Variants in GALNT18 observed in about 807,000 individuals in gnomAD.
GALNT18 encodes polypeptide N-acetylgalactosaminyltransferase 18, also known as GalNAc-transferase 18.
A neutral mutation model predicts 69.5 loss-of-function variants in GALNT18; 44 were observed. That is an observed-to-expected ratio of 0.63 (90% confidence interval 0.50 to 0.81). GALNT18 has a LOEUF of 0.81. Among genes scored for constraint, GALNT18 ranks in the 40% least tolerant of loss-of-function variants. The pLI is 0.00. For synonymous variants in GALNT18, 364 were observed against 318.2 expected (o/e 1.14, Z -1.53); for missense variants, 715 against 810.0 (o/e 0.88, Z 1.42).
chr11:11,301,813 C>T (rs979069262), intron 9 of GALNT18, among the ~76,000 whole-genome samples: 3 of 152,130 alleles, frequency 2.0e-5, no homozygotes, highest in African/African-American at 4.8e-5. Flanking sequence ...AGAGCGGGAG[C>T]CCCTCCCTCA....
At position 11,494,964 on chromosome 11, in the gene GALNT18, T is replaced by C. The variant is rs1235055107; in HGVS notation, c.236-46028A>G. Among the ~76,000 whole-genome samples the C allele has an allele frequency of 1.3e-5, 2 of 151,720 alleles. No homozygotes were observed. Among genetic ancestry groups the C allele is most frequent in the Non-Finnish European group, 2.9e-5 (2 of 68,002 alleles). On this transcript the variant is annotated intron_variant, in intron 1 of 10. Transcript: ENST00000227756. This position sits in a 1 kb window ranked among gnomAD's most constrained non-coding sequence, Gnocchi z 5.7. The stretch of plus-strand genomic sequence containing the variant: ...ATGCTCTGTGATTTGAGCATATAAA[T>C]GTAGAAGCCCAGCATGAATCTTCAA...
chr11:11,531,816 G>A (rs1214973619), intron 1 of GALNT18, among the ~76,000 whole-genome samples: 2 of 152,146 alleles, frequency 1.3e-5, no homozygotes, highest in Non-Finnish European at 2.9e-5. Flanking sequence ...ACTCTGCCTC[G>A]ATCTCTTCAT....
At chr11:11,405,272 T>A (rs1185717090) in intron 3 of GALNT18, among the ~76,000 whole-genome samples, 1 of 152,196 alleles carries the variant, frequency 6.6e-6, no homozygotes, top group African/African-American at 2.4e-5. Context: ...AGGAGACTCA[T>A]GAGAAAACCA....
intron 1 of GALNT18, among the ~76,000 whole-genome samples, chr11:11,482,538 C>T (rs758187751): frequency 4.6e-5 from 7 of 152,220 alleles, no homozygotes; most frequent in Non-Finnish European, 8.8e-5. Context: ...AGGAGCAAGA[C>T]CCAGCCCTTT....
chr11:11,577,255 C>T (rs767442792), intron 1 of GALNT18, among the ~76,000 whole-genome samples: 3 of 152,166 alleles, frequency 2.0e-5, no homozygotes, highest in Non-Finnish European at 4.4e-5. Flanking sequence ...CAACTTCACA[C>T]CCACCAGACC....
At chr11:11,378,377 G>A (rs752520944) in intron 4 of GALNT18, among the ~76,000 whole-genome samples, 1 of 152,200 alleles carries the variant, frequency 6.6e-6, no homozygotes, top group Non-Finnish European at 1.5e-5. Flanking sequence ...CATTGCCAGA[G>A]CCTGTGTCTC....
rs1854552421 is a variant in GALNT18 at position 11,404,796 on chromosome 11, T to G, written c.596-25532A>C. Among the ~76,000 whole-genome samples, 1 of 151,992 alleles carries G rather than the reference T, an allele frequency of 6.6e-6. No individual in the cohort carries two copies. Among genetic ancestry groups the G allele is most frequent in the South Asian group, 2.1e-4 (1 of 4,814 alleles). ...CAGACCCTGACCATACCCTGGCGAC[T>G]CCATCAGCTATGATTTCACCACCAC... On this transcript the variant is annotated intron_variant, in intron 3 of 10. Coordinates refer to ENST00000227756, the MANE Select transcript of GALNT18 (RefSeq NM_198516.3). The surrounding 1 kb of genome is among the most constrained non-coding windows in gnomAD (Gnocchi z 4.5).
At chr11:11,299,505 C>T (rs1849457538) in intron 9 of GALNT18, among the ~76,000 whole-genome samples, 1 of 152,154 alleles carries the variant, frequency 6.6e-6, no homozygotes, top group African/African-American at 2.4e-5. Context: ...CCCCAGAGTC[C>T]ATTATATAAT....
At chr11:11,279,295 TG>T (rs1417132716) in intron 10 of GALNT18, among the ~76,000 whole-genome samples, 1 of 152,180 alleles carries the variant, frequency 6.6e-6, no homozygotes, top group Non-Finnish European at 1.5e-5. Flanking sequence ...AATGCAAGAA[TG>T]GCCTAACACA....
chr11:11,536,580 C>CT (rs1434675165), intron 1 of GALNT18, among the ~76,000 whole-genome samples: 3 of 151,762 alleles, frequency 2.0e-5, no homozygotes, highest in African/African-American at 7.3e-5. Flanking sequence ...GCTTCTTCCT[C>CT]TACAGCTCTG....
In GALNT18 at chr11:11,606,330, T is replaced by C. The variant is rs183537163; in HGVS notation, c.235+15029A>G. The stretch of plus-strand genomic sequence containing the variant: ...CCACAGTCTAATGAGAAAAGCAGAC[T>C]AATAATTACAGGACAGTATGATTTT... On this transcript the variant is annotated intron_variant, in intron 1 of 10. Transcript: ENST00000227756. The surrounding 1 kb of genome is among the most constrained non-coding windows in gnomAD (Gnocchi z 5.4). Among the ~76,000 whole-genome samples the C allele has an allele frequency of 1.3e-5, 2 of 152,204 alleles. No homozygotes were observed. Among genetic ancestry groups the C allele is most frequent in the Non-Finnish European group, 2.9e-5 (2 of 68,038 alleles).
intron 1 of GALNT18, among the ~76,000 whole-genome samples, chr11:11,483,789 T>A (rs1172835426): frequency 6.6e-6 from 1 of 152,050 alleles, no homozygotes; most frequent in Non-Finnish European, 1.5e-5. Context: ...TGATGGGAGG[T>A]GTGCTTTCAG....
intron 2 of GALNT18, among the ~76,000 whole-genome samples, chr11:11,440,432 G>GTGGGGCAGGGCAGATCTGC (rs1366090463): frequency 6.6e-6 from 1 of 151,728 alleles, no homozygotes; most frequent in Non-Finnish European, 1.5e-5. Flanking sequence ...GCTGAGGAAG[G>GTGGGGCAGGGCAGATCTGC]TGGGGCAGGG....
At chr11:11,295,619 G>A (rs1203530650) in intron 9 of GALNT18, among the ~76,000 whole-genome samples, 2 of 152,062 alleles carry the variant, frequency 1.3e-5, no homozygotes, top group East Asian at 1.9e-4. Context: ...GTTCCATAAC[G>A]TCAGCCTCTC....
At position 11,270,897 on chromosome 11, in the gene GALNT18, TGTCA is replaced by T. The variant is rs1848811270; in HGVS notation, c.*243_*246del. 1 of 381,860 alleles carries T rather than the reference TGTCA, an allele frequency of 2.6e-6. No individual in the cohort carries two copies. 23.7% of individuals were successfully genotyped at this position (381,860 alleles called of 1,614,324 possible). A position where few individuals can be genotyped will look rare whatever the true frequency, so the allele number is the denominator to read the frequency against. On this transcript the variant is annotated 3_prime_UTR_variant, in exon 11 of 11. Coordinates refer to ENST00000227756, the MANE Select transcript of GALNT18 (RefSeq NM_198516.3). Reference sequence around the variant, plus strand: ...AACCCTTTTCTTAATAATATTTTATTGTCAGTTATAAATATTTTCCATCTGTCCC... The same window carrying T: ...AACCCTTTTCTTAATAATATTTTATTGTTATAAATATTTTCCATCTGTCCC...
Position 11,567,898 on chromosome 11 carries a change from T to C in GALNT18, c.235+53461A>G, listed in dbSNP as rs148736417. Reference sequence around the variant, plus strand: ...CCACCAATCACCCCAAAACACCCATTCTGGTACAATGCATTCGTTAACAGT... The same window carrying C: ...CCACCAATCACCCCAAAACACCCATCCTGGTACAATGCATTCGTTAACAGT... On this transcript the variant is annotated intron_variant, in intron 1 of 10. Coordinates refer to ENST00000227756, the MANE Select transcript of GALNT18 (RefSeq NM_198516.3). 2.2e-3 allele frequency among the ~76,000 whole-genome samples: 334 copies of C among 152,284 alleles called. 1 individual carries two copies. The highest frequency in any genetic ancestry group is 6.8e-3 in the Middle Eastern group (2 of 294).
At chr11:11,358,666 T>G (rs1023691202) in intron 6 of GALNT18, among the ~76,000 whole-genome samples, 2 of 139,966 alleles carry the variant, frequency 1.4e-5, no homozygotes, top group African/African-American at 5.3e-5. Flanking sequence ...ATTCTTGGTC[T>G]CAGAAGACCA....
rs1190134089 is a variant in GALNT18, at chr11:11,595,344, C to G, written c.235+26015G>C. 6.6e-6 allele frequency among the ~76,000 whole-genome samples: 1 copy of G among 152,144 alleles called. No individual in the cohort carries two copies. The highest frequency in any genetic ancestry group is 2.4e-5 in the African/African-American group (1 of 41,442). ...CCCCTTTTACCATGTGAGGACACAG[C>G]AAGAAGTCAGGAGGCTGCAACCCAG... is the stretch of plus-strand genomic sequence containing the variant. On this transcript the variant is annotated intron_variant, in intron 1 of 10. Transcript: ENST00000227756. The surrounding 1 kb of genome is among the most constrained non-coding windows in gnomAD (Gnocchi z 5.2).
intron 1 of GALNT18, among the ~76,000 whole-genome samples, chr11:11,525,173 G>A (rs1016017694): frequency 6.6e-6 from 1 of 151,924 alleles, no homozygotes; most frequent in Non-Finnish European, 1.5e-5. Context: ...AGGAGGAGAG[G>A]TAGGAAAAAC....
Sources: allele counts gnomAD v4.1 joint callset (sites outside exome capture counted in the v4.1 genomes callset), GRCh38; gene constraint gnomAD v4.1.1; non-coding constraint Gnocchi (gnomAD v3.1); transcripts MANE v1.5; gene names NCBI Gene and HGNC (gene_info 2026-07-23, HGNC 2026-07-21).